The following CD5 variants were observed in gnomAD, a reference collection of about 807,000 sequenced individuals.
The protein encoded by CD5 is T-cell surface glycoprotein CD5.
A neutral mutation model predicts 60.3 loss-of-function variants in CD5; 36 were observed. The ratio of observed to expected loss-of-function variants is 0.60; its 90% CI spans 0.46 to 0.79. The LOEUF (loss-of-function observed/expected upper bound fraction) is 0.79, where lower values mean the gene tolerates loss of function less well. Among genes scored for constraint, CD5 ranks in the 30% least tolerant of loss-of-function variants. CD5 has a pLI of 0.00. For synonymous variants in CD5, 230 were observed against 257.6 expected, an observed-to-expected ratio of 0.89 and a Z score of 1.03; for missense variants, 540 against 630.6, an observed-to-expected ratio of 0.86 and a Z score of 1.54.
At chr11:61,106,710 C>T (rs914093605) in intron 1 of CD5, among the ~76,000 whole-genome samples, 8 of 152,098 alleles carry the variant, frequency 5.3e-5, no homozygotes, top group African/African-American at 1.9e-4. Context: ...TGTCCATGTG[C>T]TGTGTTTGCG....
the CD5 span, among the ~76,000 whole-genome samples, chr11:61,096,811 C>T: frequency 6.6e-6 from 1 of 152,214 alleles, no homozygotes; most frequent in Non-Finnish European, 1.5e-5. Flanking sequence ...GATAATCCTC[C>T]AGGACTGGTG....
In CD5 at chr11:61,119,316, G is replaced by T. The variant is rs755796228; in HGVS notation, c.546G>T (p.Gly182=). Residue 182 remains glycine (G), a synonymous_variant, in exon 5 of 11, where the codon GGG becomes GGT. Coordinates refer to ENST00000347785, the MANE Select transcript of CD5 (RefSeq NM_014207.4). ...TGGAGTTCTACAGCGGCAGCCTGGG[G>T]GGTACCATCAGCTATGAGGCCCAGG... is the stretch of plus-strand genomic sequence containing the variant. ...GVVEFYSGSL[G]GTISYEAQDK... is the part of the protein sequence containing the mutation. 1 of 1,614,002 alleles carries T rather than the reference G, an allele frequency of 6.2e-7. No homozygotes were observed.
At position 61,118,183 on chromosome 11, in the gene CD5, G is replaced by A; in HGVS notation, c.103G>A (p.Ala35Thr). 1.2e-6 allele frequency: 2 copies of A among 1,612,612 alleles called. No individual in the cohort carries two copies. The highest frequency in any genetic ancestry group is 2.2e-5 in the East Asian group (1 of 44,850). Residue 35 changes from alanine (A) to threonine (T), a missense_variant, in exon 3 of 11, where the codon GCA (alanine) becomes ACA (threonine). By Grantham distance (58) the Ala-to-Thr change is moderately conservative. Transcript: ENST00000347785. This position sits in a 1 kb window ranked among gnomAD's most constrained non-coding sequence, Gnocchi z 4.7. ...ACCTTTCTGACCCCCAGATTTCCAG[G>A]CAAGGCTCACCCGTTCCAACTCGAA... is the stretch of plus-strand genomic sequence containing the variant. ...RLSWYDPDFQ[A>T]RLTRSNSKCQ...
chr11:61,095,837 G>A, the CD5 span, among the ~76,000 whole-genome samples: 5 of 152,222 alleles, frequency 3.3e-5, no homozygotes, highest in Admixed American at 3.3e-4. Flanking sequence ...CTTACTGTAT[G>A]TACACTCCTT....
chr11:61,100,521 TGGA>T (rs1476090462), upstream of CD5, among the ~76,000 whole-genome samples: 6 of 134,170 alleles, frequency 4.5e-5, no homozygotes, highest in African/African-American at 1.7e-4. Context: ...CATATCAACA[TGGA>T]GATCACATTC....
At position 61,123,001 on chromosome 11, in the gene CD5, C is replaced by T. The variant is rs746706273; in HGVS notation, c.1194C>T (p.Gly398=). 1 of 1,613,784 alleles carries T rather than the reference C, an allele frequency of 6.2e-7. No individual in the cohort carries two copies. Among genetic ancestry groups the T allele is most frequent in the Non-Finnish European group, 8.5e-7 (1 of 1,179,832 alleles). The part of the protein sequence containing the change: ...VLLVVLLVVC[G]PLAYKKLVKK... ...TGGTGGTGCTGCTGGTCGTGTGCGG[C>T]CCCCTTGCCTACAAGAAGCTAGTGA... is the stretch of plus-strand genomic sequence containing the variant. Residue 398 remains glycine, a synonymous_variant, in exon 7 of 11, where the codon GGC becomes GGT. Coordinates refer to ENST00000347785, the MANE Select transcript of CD5 (RefSeq NM_014207.4).
At chr11:61,101,229 A>G (rs1860678274), upstream of CD5, among the ~76,000 whole-genome samples, 1 of 109,958 alleles carries the variant, frequency 9.1e-6, no homozygotes. Context: ...ACACATCAAC[A>G]TGGAGATCAC....
At chr11:61,112,116 C>T (rs1034216665) in intron 1 of CD5, among the ~76,000 whole-genome samples, 4 of 152,178 alleles carry the variant, frequency 2.6e-5, no homozygotes, top group African/African-American at 9.7e-5. Flanking sequence ...TTTGGACTCC[C>T]ACTCCCCACA....
intron 1 of CD5, among the ~76,000 whole-genome samples, chr11:61,103,400 G>A (rs544622833): frequency 2.0e-5 from 3 of 152,340 alleles, no homozygotes; most frequent in African/African-American, 7.2e-5. Context: ...ACAGAGGTGC[G>A]TGACTCTGGG....
At chr11:61,100,568 C>CAACATGGAGATTACACACACATA (rs1860657007), upstream of CD5, among the ~76,000 whole-genome samples, 1 of 111,976 alleles carries the variant, frequency 8.9e-6, no homozygotes, top group Non-Finnish European at 1.7e-5. Flanking sequence ...ACACACACAT[C>CAACATGGAGATTACACACACATA]AACATGGAGA....
the CD5 span, among the ~76,000 whole-genome samples, chr11:61,094,904 G>T: frequency 2.6e-5 from 4 of 152,108 alleles, no homozygotes; most frequent in African/African-American, 9.7e-5. Flanking sequence ...CGAAGGTATG[G>T]CACAGGGTAA....
upstream of CD5, among the ~76,000 whole-genome samples, chr11:61,101,758 C>CA (rs1431216469): frequency 6.6e-6 from 1 of 151,440 alleles, no homozygotes; most frequent in African/African-American, 2.4e-5. Flanking sequence ...ATTACACACA[C>CA]ATCAACATGG....
At chr11:61,123,823 G>GC in intron 7 of CD5, 61 bp from the exon 8 acceptor site, 3 of 257,572 alleles carry the variant, frequency 1.2e-5, no homozygotes, top group South Asian at 3.4e-5. Context: ...CCCCACCCCT[G>GC]CCTGCCCCCA....
At chr11:61,094,502 G>C in the CD5 span, among the ~76,000 whole-genome samples, 7 of 152,264 alleles carry the variant, frequency 4.6e-5, no homozygotes, top group Admixed American at 2.0e-4. Context: ...ATCACCCACA[G>C]TGTGCCTGTA....
chr11:61,125,201 C>T lies in CD5; in HGVS notation c.1399+50C>T, dbSNP rs116094285. ...GCACGCAGGCAGGGCTGCAGCAGGC[C>T]GCCAAGGCAGGTCACGTGATGCCCT... On this transcript the variant is annotated intron_variant, in intron 9 of 10. Transcript: ENST00000347785. The T allele has an allele frequency of 1.1e-3, 1,781 of 1,609,650 alleles. 18 individuals carry two copies. In the African/African-American group the frequency reaches 0.022, roughly 20 times the overall value.
Position 61,102,517 on chromosome 11 carries a change from C to A in CD5, c.-44C>A, listed in dbSNP as rs375271617. ...ATACCCGGCCAGACACCCTCACCTG[C>A]GGTGCCCAGCTGCCCAGGCTGAGGC... is the stretch of plus-strand genomic sequence containing the variant. On this transcript the variant is annotated 5_prime_UTR_variant, in exon 1 of 11. Transcript: ENST00000347785. 9.4e-5 allele frequency: 141 copies of A among 1,506,576 alleles called. No individual in the cohort carries two copies. The East Asian group carries it at 3.2e-3, about 34-fold the overall frequency. The allele number at this position is 1,506,576 out of a possible 1,614,324, so 93.3% of individuals were successfully genotyped here. A position where few individuals can be genotyped will look rare whatever the true frequency, so the allele number is the denominator to read the frequency against.
In CD5 at chr11:61,119,358, G is replaced by A; in HGVS notation, c.588G>A (p.Leu196=). 1 of 1,614,192 alleles carries A rather than the reference G, an allele frequency of 6.2e-7. No individual in the cohort carries two copies. The highest frequency in any genetic ancestry group is 8.5e-7 in the Non-Finnish European group (1 of 1,180,044). The stretch of plus-strand genomic sequence containing the variant: ...AGGCCCAGGACAAGACCCAGGACCT[G>A]GAGAACTTCCTCTGCAACAACCTCC... ...SYEAQDKTQD[L]ENFLCNNLQC... is the part of the protein sequence containing the mutation. Residue 196 remains leucine, a synonymous_variant, in exon 5 of 11, where the codon CTG becomes CTA. Transcript: ENST00000347785.
At position 61,118,708 on chromosome 11, in the gene CD5, G is replaced by A. The variant is rs965469887; in HGVS notation, c.401-207G>A. ...AGTTCTGCCAATCACTGACTTCATC[G>A]TCGCCTCTGAACCTCCATTCTCCCA... On this transcript the variant is annotated intron_variant, in intron 3 of 10. Coordinates refer to ENST00000347785, the MANE Select transcript of CD5 (RefSeq NM_014207.4). This position sits in a 1 kb window ranked among gnomAD's most constrained non-coding sequence, Gnocchi z 4.7. Among the ~76,000 whole-genome samples the A allele has an allele frequency of 1.2e-4, 18 of 152,326 alleles. No individual in the cohort carries two copies. The highest frequency in any genetic ancestry group is 6.2e-4 in the South Asian group (3 of 4,828).
At position 61,104,937 on chromosome 11, in the gene CD5, G is replaced by A. The variant is rs765652936; in HGVS notation, c.55+2322G>A. 3.9e-5 allele frequency among the ~76,000 whole-genome samples: 6 copies of A among 152,230 alleles called. 1 individual carries two copies. In the South Asian group the frequency reaches 1.2e-3, roughly 32 times the overall value. On this transcript the variant is annotated intron_variant, in intron 1 of 10. Transcript: ENST00000347785. ...CCACCAAAGGCACTTCCGTGTGCAGGAAAATGGCCCTGGGACACAACCTCC... is the reference window on the plus strand; with the variant it reads ...CCACCAAAGGCACTTCCGTGTGCAGAAAAATGGCCCTGGGACACAACCTCC...
Sources: allele counts gnomAD v4.1 joint callset (sites outside exome capture counted in the v4.1 genomes callset), GRCh38; gene constraint gnomAD v4.1.1; non-coding constraint Gnocchi (gnomAD v3.1); transcripts MANE v1.5; gene names NCBI Gene and HGNC (gene_info 2026-07-23, HGNC 2026-07-21).